The following CHFR variants were observed in gnomAD, a reference collection of about 807,000 sequenced individuals.
CHFR encodes checkpoint with forkhead and ring finger domains.
Under a neutral mutation model 87.6 loss-of-function variants are expected in CHFR, and 57 were observed. The ratio of observed to expected loss-of-function variants is 0.65; its 90% CI spans 0.53 to 0.81. The LOEUF is 0.81. CHFR is among the 30% of genes least tolerant of loss of function. CHFR has a pLI of 0.00. For synonymous variants in CHFR, 381 were observed against 359.2 expected (o/e 1.06, Z -0.69); for missense variants, 797 against 865.8 (o/e 0.92, Z 1.00).
chr12:132,884,425 A>T (rs1010093460), intron 2 of CHFR, among the ~76,000 whole-genome samples: 15 of 151,018 alleles, frequency 9.9e-5, no homozygotes, highest in African/African-American at 3.6e-4. Context: ...CAAAAAAAAA[A>T]ATACATATAT....
intron 6 of CHFR, among the ~76,000 whole-genome samples, chr12:132,864,427 A>G (rs1383023962): frequency 2.0e-5 from 3 of 152,226 alleles, no homozygotes; most frequent in African/African-American, 7.2e-5. Flanking sequence ...AGCAGTAACT[A>G]TACTTATTTT....
chr12:132,856,785 T>A, intron 9 of CHFR, 155 bp from the exon 10 acceptor site: 1 of 857,616 alleles, frequency 1.2e-6, no homozygotes, highest in Non-Finnish European at 2.0e-6. Flanking sequence ...GGGACTGCCC[T>A]CACGTGCCCA....
intron 11 of CHFR, 101 bp downstream of exon 11, chr12:132,853,330 A>G: frequency 1.6e-6 from 2 of 1,266,902 alleles, no homozygotes; most frequent in South Asian, 1.8e-5. Context: ...CGAGCAGTGC[A>G]GACAGGAGGC....
At chr12:132,880,575 G>A (rs991284544) in intron 2 of CHFR, among the ~76,000 whole-genome samples, 2 of 152,012 alleles carry the variant, frequency 1.3e-5, no homozygotes, top group South Asian at 2.1e-4. Context: ...GAAGAATGGC[G>A]TGAACCCAGG....
chr12:132,883,426 C>T (rs1391977025), intron 2 of CHFR, among the ~76,000 whole-genome samples: 1 of 93,066 alleles, frequency 1.1e-5, no homozygotes, highest in African/African-American at 4.6e-5. Context: ...AACTCCGTCT[C>T]AAAAAAAAAA....
At chr12:132,873,248 G>A (rs1391258565) in intron 3 of CHFR, among the ~76,000 whole-genome samples, 1 of 152,138 alleles carries the variant, frequency 6.6e-6, no homozygotes, top group Non-Finnish European at 1.5e-5. Flanking sequence ...ATAAACAGAG[G>A]GTAAACAGTG....
chr12:132,887,166 C>T (rs1363524702), intron 2 of CHFR, 30 bp downstream of exon 2: 2 of 1,453,390 alleles, frequency 1.4e-6, no homozygotes, highest in Non-Finnish European at 1.8e-6. Context: ...TGCCCGGCCC[C>T]GGCCCCCGGC....
intron 11 of CHFR, 66 bp from the exon 12 acceptor site, chr12:132,851,803 G>A (rs899373621): frequency 1.3e-6 from 2 of 1,544,540 alleles, no homozygotes; most frequent in South Asian, 1.2e-5. Context: ...AGGTTAGAGA[G>A]GCCGCCGGGA....
Position 132,838,862 on chromosome 12 carries a change from C to A in CHFR, c.*2692G>T, listed in dbSNP as rs1334434312. The A allele has an allele frequency of 6.6e-6, 1 of 152,454 alleles. No individual in the cohort carries two copies. Among genetic ancestry groups the A allele is most frequent in the Non-Finnish European group, 1.5e-5 (1 of 68,172 alleles). The allele number at this position is 152,454 out of a possible 1,614,324, so 9.4% of individuals were successfully genotyped here. A position where few individuals can be genotyped will look rare whatever the true frequency, so the allele number is the denominator to read the frequency against. ...GCTCCTTACCACACCCGAGGAGTAA[C>A]TGCCCTGATCTCCCTGCCTCCATAA... On this transcript the variant is annotated 3_prime_UTR_variant, in exon 18 of 18. Transcript: ENST00000450056.
intron 3 of CHFR, among the ~76,000 whole-genome samples, chr12:132,872,937 G>A (rs1019017912): frequency 6.6e-6 from 1 of 152,158 alleles, no homozygotes; most frequent in Non-Finnish European, 1.5e-5. Flanking sequence ...CTCTGCCCAG[G>A]GAGAGGCCAA....
chr12:132,887,468 C>G (rs1951928349), intron 1 of CHFR, 79 bp downstream of exon 1: 1 of 597,674 alleles, frequency 1.7e-6, no homozygotes, highest in Non-Finnish European at 2.1e-6. Flanking sequence ...GGCCTGGACG[C>G]CGGCGGGCGC....
At chr12:132,880,336 T>A (rs1951737833) in intron 2 of CHFR, among the ~76,000 whole-genome samples, 2 of 151,744 alleles carry the variant, frequency 1.3e-5, no homozygotes, top group Non-Finnish European at 1.5e-5. Context: ...CAGGAAAAAA[T>A]AATAATAATA....
intron 11 of CHFR, 74 bp downstream of exon 11, chr12:132,853,357 C>A: frequency 7.3e-7 from 1 of 1,372,640 alleles, no homozygotes; most frequent in African/African-American, 1.5e-5. Flanking sequence ...AGCGCGGCCA[C>A]GTGCACGTCA....
At position 132,845,986 on chromosome 12, in the gene CHFR, G is replaced by C. The variant is rs149619653; in HGVS notation, c.1735+1057C>G. 2.6e-3 allele frequency among the ~76,000 whole-genome samples: 392 copies of C among 152,266 alleles called. 1 individual carries two copies. Among genetic ancestry groups the C allele is most frequent in the African/African-American group, 9.2e-3 (381 of 41,556 alleles). Reference sequence around the variant, plus strand: ...GCTCTTGTTACCCAATAAATATGAAGGGCTGTAGAAGCTCAGGGGCAGCCT... The same window carrying C: ...GCTCTTGTTACCCAATAAATATGAACGGCTGTAGAAGCTCAGGGGCAGCCT... On this transcript the variant is annotated intron_variant, in intron 15 of 17. Coordinates refer to ENST00000450056, the MANE Select transcript of CHFR (RefSeq NM_001161346.2).
intron 13 of CHFR, chr12:132,848,370 C>T: frequency 1.1e-6 from 1 of 898,852 alleles, no homozygotes; most frequent in Non-Finnish European, 1.8e-6. Context: ...GTCTCCCCAG[C>T]ACCTGGTCTT....
At chr12:132,866,259 C>T (rs1369489702) in intron 6 of CHFR, 3 of 152,250 alleles carry the variant, frequency 2.0e-5, no homozygotes, top group African/African-American at 7.2e-5. Context: ...GTCCCGAAAT[C>T]ACATCAGAAT....
rs1434082116 is a variant in CHFR, at chr12:132,856,592, C to T, written c.1105G>A (p.Ala369Thr). The T allele has an allele frequency of 1.2e-6, 2 of 1,614,078 alleles. No homozygotes were observed. The highest frequency in any genetic ancestry group is 2.7e-5 in the African/African-American group (2 of 74,956). The change falls in exon 10 of 18, where the codon GCC becomes ACC. Residue 369 changes from alanine (A) to threonine (T), a missense_variant. Transcript: ENST00000450056. ...RSEEDVQSMD[A>T]RNKITQDMLQ... ...ATGTCTTGAGTGATTTTATTTCTGG[C>T]ATCCATACTTTGCACATCTTCTTCA...
chr12:132,854,304 G>A (rs1298698680), intron 10 of CHFR: 1 of 152,178 alleles, frequency 6.6e-6, no homozygotes, highest in East Asian at 1.9e-4. Context: ...AGTGCATTAG[G>A]TGCACCCTTT....
intron 6 of CHFR, among the ~76,000 whole-genome samples, chr12:132,864,331 T>G (rs1286839713): frequency 6.6e-6 from 1 of 152,194 alleles, no homozygotes; most frequent in Non-Finnish European, 1.5e-5. Flanking sequence ...CAGCGCCCCG[T>G]GCTCAGCCAA....
Sources: allele counts gnomAD v4.1 joint callset (sites outside exome capture counted in the v4.1 genomes callset), GRCh38; gene constraint gnomAD v4.1.1; transcripts MANE v1.5; gene names NCBI Gene and HGNC (gene_info 2026-07-23, HGNC 2026-07-21).